UBL3: variants seen among roughly 807,000 people sequenced by gnomAD.
UBL3 encodes ubiquitin-like protein 3.
UBL3 carries 6 observed loss-of-function variants against 18.4 expected under a neutral mutation model. That is an observed-to-expected ratio of 0.33 (90% CI 0.18 to 0.64). The LOEUF is 0.64. Among genes scored for constraint, UBL3 ranks in the 30% least tolerant of loss-of-function variants. The probability of loss-of-function intolerance (pLI) is 0.76; values close to 1 mark genes in which losing one functional copy is unlikely to be tolerated. For missense variants in UBL3, 109 were observed against 142.9 expected, an observed-to-expected ratio of 0.76 and a Z score of 1.21; for synonymous variants, 49 against 46.6, an observed-to-expected ratio of 1.05 and a Z score of -0.21.
intron 1 of UBL3, among the ~76,000 whole-genome samples, chr13:29,782,579 C>T (rs1444682466): frequency 1.3e-5 from 2 of 152,130 alleles, no homozygotes; most frequent in Non-Finnish European, 2.9e-5. Context: ...CCTTACTCCC[C>T]CTGGCCTGCT....
At chr13:29,825,894 G>A (rs969600549) in intron 1 of UBL3, among the ~76,000 whole-genome samples, 1 of 152,088 alleles carries the variant, frequency 6.6e-6, no homozygotes, top group Non-Finnish European at 1.5e-5. Context: ...TATTGAGAAT[G>A]TTTAGCATGA....
chr13:29,772,765 C>A (rs1188234345), intron 2 of UBL3, among the ~76,000 whole-genome samples: 1 of 151,876 alleles, frequency 6.6e-6, no homozygotes, highest in Non-Finnish European at 1.5e-5. Context: ...TTCACCTCAC[C>A]CAAAATGAAG....
intron 1 of UBL3, among the ~76,000 whole-genome samples, chr13:29,827,316 C>A (rs1878649476): frequency 6.6e-6 from 1 of 152,138 alleles, no homozygotes; most frequent in Non-Finnish European, 1.5e-5. Flanking sequence ...GTGTGGGAGT[C>A]TAATTCTCTT....
chr13:29,841,698 C>G (rs1458096960), intron 1 of UBL3, among the ~76,000 whole-genome samples: 1 of 152,126 alleles, frequency 6.6e-6, no homozygotes. Context: ...GCTCAGTTAC[C>G]GTTGTGGGGA....
At chr13:29,786,391 C>T (rs116810639) in intron 1 of UBL3, among the ~76,000 whole-genome samples, 327 of 152,244 alleles carry the variant, frequency 2.1e-3, no homozygotes, top group African/African-American at 7.4e-3. Context: ...CCCTCTACCC[C>T]GATTCACACA....
At chr13:29,839,657 G>A (rs950802031) in intron 1 of UBL3, among the ~76,000 whole-genome samples, 3 of 152,190 alleles carry the variant, frequency 2.0e-5, no homozygotes, top group Non-Finnish European at 4.4e-5. Context: ...GCCGGGCGCA[G>A]TGGCTCACGC....
chr13:29,809,331 G>A (rs757913298), intron 1 of UBL3, among the ~76,000 whole-genome samples: 17 of 152,034 alleles, frequency 1.1e-4, no homozygotes, highest in Non-Finnish European at 2.2e-4. Context: ...TAGGCAGTGG[G>A]AACTTCATGC....
At chr13:29,803,985 C>T (rs900062140) in intron 1 of UBL3, among the ~76,000 whole-genome samples, 14 of 151,688 alleles carry the variant, frequency 9.2e-5, no homozygotes, top group African/African-American at 3.2e-4. Context: ...ATACATTCTT[C>T]AGAATGTATA....
chr13:29,839,276 T>C (rs906560429), intron 1 of UBL3, among the ~76,000 whole-genome samples: 21 of 152,170 alleles, frequency 1.4e-4, no homozygotes, highest in Admixed American at 8.5e-4. Context: ...AGTGAAATCA[T>C]AGAATGATTC....
Position 29,835,131 on chromosome 13 carries a change from T to TATAA in UBL3, c.27+14380_27+14381insTTAT, listed in dbSNP as rs1566001070. Among the ~76,000 whole-genome samples, 34 of 5,336 alleles carry TATAA rather than the reference T, an allele frequency of 6.4e-3. 1 individual carries two copies. The highest frequency in any genetic ancestry group is 8.5e-3 in the Non-Finnish European group (27 of 3,170). The allele number at this position is 5,336 out of a possible 152,430, so 3.5% of individuals were successfully genotyped here. On this transcript the variant is annotated intron_variant, in intron 1 of 4. Transcript: ENST00000380680. The stretch of plus-strand genomic sequence containing the variant: ...AAATATATATATATATATAAATATA[T>TATAA]ATATATATATATATATATATATATA...
intron 1 of UBL3, among the ~76,000 whole-genome samples, chr13:29,831,928 T>A (rs1331918109): frequency 6.6e-6 from 1 of 152,126 alleles, no homozygotes; most frequent in Non-Finnish European, 1.5e-5. Flanking sequence ...ACATAGATAT[T>A]TTCATTAAAA....
At chr13:29,821,679 GT>G (rs1878453254) in intron 1 of UBL3, among the ~76,000 whole-genome samples, 1 of 152,140 alleles carries the variant, frequency 6.6e-6, no homozygotes, top group African/African-American at 2.4e-5. Flanking sequence ...GCAAAGTTTA[GT>G]TTTTAGCCAA....
chr13:29,838,480 C>T (rs1338029578), intron 1 of UBL3, among the ~76,000 whole-genome samples: 1 of 152,052 alleles, frequency 6.6e-6, no homozygotes, highest in Non-Finnish European at 1.5e-5. Flanking sequence ...ATAATAATGA[C>T]ATCTTTGGGG....
chr13:29,791,151 G>A (rs189387415), intron 1 of UBL3, among the ~76,000 whole-genome samples: 24 of 152,174 alleles, frequency 1.6e-4, no homozygotes, highest in African/African-American at 4.3e-4. Context: ...AGTCCTTTAG[G>A]CATGAAAGCT....
chr13:29,800,916 C>T (rs553871162), intron 1 of UBL3, among the ~76,000 whole-genome samples: 2 of 152,296 alleles, frequency 1.3e-5, no homozygotes, highest in African/African-American at 4.8e-5. Context: ...GGGACCCCCC[C>T]ACGGTGCAGC....
intron 1 of UBL3, among the ~76,000 whole-genome samples, chr13:29,780,554 T>G (rs933243418): frequency 1.3e-5 from 2 of 151,452 alleles, no homozygotes; most frequent in Non-Finnish European, 2.9e-5. Flanking sequence ...ACTAAATTAC[T>G]TGGATCTAAA....
At chr13:29,813,449 T>A (rs575189162) in intron 1 of UBL3, among the ~76,000 whole-genome samples, 19 of 152,214 alleles carry the variant, frequency 1.2e-4, no homozygotes, top group African/African-American at 4.3e-4. Flanking sequence ...AAAGGCATAT[T>A]TATTTAAGTA....
In UBL3 at chr13:29,767,112, GA is replaced by G. The variant is rs1876709482; in HGVS notation, c.*142del. On this transcript the variant is annotated 3_prime_UTR_variant, in exon 5 of 5. Transcript: ENST00000380680. ...GGTTCTTTTTACTTTCATGAGAAAA[GA>G]TGACAGTGTTCATGTGGTAATTCAG... 1.5e-6 allele frequency: 1 copy of G among 668,550 alleles called. No individual in the cohort carries two copies. Among genetic ancestry groups the G allele is most frequent in the African/African-American group, 1.9e-5 (1 of 53,584 alleles). 41.4% of individuals were successfully genotyped at this position (668,550 alleles called of 1,614,324 possible).
At chr13:29,808,256 T>C (rs1237672212) in intron 1 of UBL3, among the ~76,000 whole-genome samples, 3 of 152,330 alleles carry the variant, frequency 2.0e-5, no homozygotes, top group South Asian at 4.1e-4. Context: ...AAAGGTGTCA[T>C]AGTATTCTTA....
Sources: allele counts gnomAD v4.1 joint callset (sites outside exome capture counted in the v4.1 genomes callset), GRCh38; gene constraint gnomAD v4.1.1; transcripts MANE v1.5; gene names NCBI Gene and HGNC (gene_info 2026-07-23, HGNC 2026-07-21).